The following PDE4D variants were observed in gnomAD, a reference collection of about 807,000 sequenced individuals.
The protein encoded by PDE4D is phosphodiesterase 4D.
A neutral mutation model predicts 87.4 loss-of-function variants in PDE4D; 24 were observed. The observed-to-expected ratio is 0.27, with a 90% CI of 0.20 to 0.39. The LOEUF (loss-of-function observed/expected upper bound fraction) is 0.39, where lower values mean the gene tolerates loss of function less well. Among genes scored for constraint, PDE4D ranks in the 10% least tolerant of loss-of-function variants. The probability of loss-of-function intolerance (pLI) is 1.00; values close to 1 mark genes in which losing one functional copy is unlikely to be tolerated. For missense variants in PDE4D, 714 were observed against 1,041.0 expected (o/e 0.69, Z 4.32); for synonymous variants, 384 against 383.2 (o/e 1.00, Z -0.02).
intron 6 of PDE4D, among the ~76,000 whole-genome samples, chr5:59,014,195 G>T (rs1022401207): frequency 3.3e-5 from 5 of 152,118 alleles, no homozygotes. Flanking sequence ...ATATCATACT[G>T]AATGGGCAAA....
At chr5:59,386,281 T>G (rs1420120035) in intron 1 of PDE4D, among the ~76,000 whole-genome samples, 6 of 152,084 alleles carry the variant, frequency 3.9e-5, no homozygotes, top group Non-Finnish European at 7.4e-5. Context: ...TGAATACTAG[T>G]TTTTGAGATG....
chr5:59,331,233 G>A (rs1231905617), intron 1 of PDE4D, among the ~76,000 whole-genome samples: 2 of 152,104 alleles, frequency 1.3e-5, no homozygotes, highest in Non-Finnish European at 2.9e-5. Flanking sequence ...ACAGACTTAG[G>A]TGGCTTTAAC....
At chr5:59,241,878 G>C (rs946702944) in intron 1 of PDE4D, among the ~76,000 whole-genome samples, 2 of 152,034 alleles carry the variant, frequency 1.3e-5, no homozygotes, top group Non-Finnish European at 2.9e-5. Flanking sequence ...TGATCTTTAG[G>C]AGGAAATAGC....
At chr5:60,263,192 G>C (rs75445279) in intron 1 of PDE4D, among the ~76,000 whole-genome samples, 1,526 of 152,288 alleles carry the variant, frequency 0.01, 34 homozygotes, top group African/African-American at 0.035. Flanking sequence ...ATCCCACAGA[G>C]AGAGTTCTGC....
intron 2 of PDE4D, among the ~76,000 whole-genome samples, chr5:60,099,474 G>A (rs952345079): frequency 2.0e-5 from 3 of 151,752 alleles, no homozygotes; most frequent in African/African-American, 7.3e-5. Flanking sequence ...AATGATAAAT[G>A]TCAAGGAAGG....
At chr5:59,526,440 T>C (rs2153676836) in intron 1 of PDE4D, among the ~76,000 whole-genome samples, 1 of 152,286 alleles carries the variant, frequency 6.6e-6, no homozygotes, top group African/African-American at 2.4e-5. Context: ...AGAAAATAAT[T>C]GTATGCTTGC....
At position 59,779,167 on chromosome 5, in the gene PDE4D, A is replaced by G. The variant is rs985789675; in HGVS notation, c.455+114001T>C. Among the ~76,000 whole-genome samples, 9 of 152,018 alleles carry G rather than the reference A, an allele frequency of 5.9e-5. No individual in the cohort carries two copies. The South Asian group carries it at 6.2e-4, about 10-fold the overall frequency. On this transcript the variant is annotated intron_variant, in intron 1 of 14. Coordinates refer to ENST00000340635, the MANE Select transcript of PDE4D (RefSeq NM_001104631.2). ...ACAGAGCAAGACTCTGTCTCGGAAA[A>G]AAAAAAAAGAAAGAAATCCTTTGGC...
chr5:59,265,981 A>G (rs563619980), intron 1 of PDE4D, among the ~76,000 whole-genome samples: 1 of 152,232 alleles, frequency 6.6e-6, no homozygotes, highest in South Asian at 2.1e-4. Context: ...GCTATATGAC[A>G]TAAGTTTAGG....
At chr5:60,268,457 G>A (rs1030732307) in intron 1 of PDE4D, among the ~76,000 whole-genome samples, 3 of 152,164 alleles carry the variant, frequency 2.0e-5, no homozygotes, top group Non-Finnish European at 2.9e-5. Flanking sequence ...GACCCTCTTC[G>A]GGTGTGGACG....
intron 2 of PDE4D, among the ~76,000 whole-genome samples, chr5:60,077,313 A>T (rs1773406141): frequency 6.6e-6 from 1 of 152,190 alleles, no homozygotes; most frequent in Non-Finnish European, 1.5e-5. Context: ...CCATGCAAAT[A>T]CATGGTGGCA....
chr5:60,321,978 T>C (rs952797164), intron 1 of PDE4D, among the ~76,000 whole-genome samples: 1 of 152,076 alleles, frequency 6.6e-6, no homozygotes, highest in Non-Finnish European at 1.5e-5. Flanking sequence ...AGTTCAGCCA[T>C]TGTGGAAAGC....
rs116154877 is a variant in PDE4D at position 60,036,104 on chromosome 5, A to G, written c.43-47387T>C. ...ATCCTTCATCATTACCTGGAAGATC[A>G]TATTCATTTTGGGTTGATATGACAC... On this transcript the variant is annotated intron_variant, in intron 2 of 16. Transcript: ENST00000502484. 6.7e-3 allele frequency among the ~76,000 whole-genome samples: 1,015 copies of G among 152,356 alleles called. 14 individuals carry two copies. The highest frequency in any genetic ancestry group is 0.024 in the African/African-American group (982 of 41,588).
intron 2 of PDE4D, among the ~76,000 whole-genome samples, chr5:60,138,822 C>T (rs1780274187): frequency 6.6e-6 from 1 of 151,946 alleles, no homozygotes; most frequent in Non-Finnish European, 1.5e-5. Context: ...TAAATAATTG[C>T]CTCCAATTAT....
rs70975348 is a variant in PDE4D, at chr5:59,892,896, CCACACACA to C, written c.455+264_455+271del. Among the ~76,000 whole-genome samples the C allele has an allele frequency of 0.15, 21,097 of 143,850 alleles. 3,074 individuals are homozygous for C. Among genetic ancestry groups the C allele is most frequent in the African/African-American group, 0.39 (15,064 of 38,980 alleles). The allele number at this position is 143,850 out of a possible 152,430, so 94.4% of individuals were successfully genotyped here. A position where few individuals can be genotyped will look rare whatever the true frequency, so the allele number is the denominator to read the frequency against. ...CACAGATAACTGGGAAGCGCGCGCA[CCACACACA>C]CACACACACACACACACACACACAC... On this transcript the variant is annotated intron_variant, in intron 1 of 14. Transcript: ENST00000340635.
chr5:60,176,324 C>G (rs1783895739), intron 2 of PDE4D, among the ~76,000 whole-genome samples: 1 of 152,078 alleles, frequency 6.6e-6, no homozygotes, highest in African/African-American at 2.4e-5. Context: ...TGTTTGGTTG[C>G]CCTACGACCT....
chr5:59,799,702 A>C (rs1766899911), intron 1 of PDE4D, among the ~76,000 whole-genome samples: 1 of 152,222 alleles, frequency 6.6e-6, no homozygotes, highest in Non-Finnish European at 1.5e-5. Flanking sequence ...TAGAAGGCTT[A>C]AACAAAGCAG....
At chr5:60,310,330 A>T (rs1754897775) in intron 1 of PDE4D, among the ~76,000 whole-genome samples, 1 of 152,196 alleles carries the variant, frequency 6.6e-6, no homozygotes, top group Non-Finnish European at 1.5e-5. Flanking sequence ...AAAATCAAGA[A>T]TGTTTGCTTT....
At position 60,461,812 on chromosome 5, in the gene PDE4D, G is replaced by A. The variant is rs953129528; in HGVS notation, c.-90+26130C>T. Among the ~76,000 whole-genome samples the A allele has an allele frequency of 2.0e-5, 3 of 152,276 alleles. No individual in the cohort carries two copies. The East Asian group carries it at 5.8e-4, about 29-fold the overall frequency. The stretch of plus-strand genomic sequence containing the variant: ...TTTTTGTTTCAACCTACAAAATAGA[G>A]TTGTTACCTTAAATATATGACATTT... On this transcript the variant is annotated intron_variant, in intron 1 of 16. Coordinates refer to the PDE4D transcript ENST00000502484.
At chr5:60,491,411 CTTGTTGTTA>C (rs931684689), upstream of PDE4D, 22 of 149,738 alleles carry the variant, frequency 1.5e-4, no homozygotes, top group African/African-American at 4.8e-4. Flanking sequence ...TGTTGTTGTT[CTTGTTGTTA>C]TTGTTTAAAT....
Sources: allele counts gnomAD v4.1 joint callset (sites outside exome capture counted in the v4.1 genomes callset), GRCh38; gene constraint gnomAD v4.1.1; transcripts MANE v1.5; gene names NCBI Gene and HGNC (gene_info 2026-07-23, HGNC 2026-07-21).